CUX2: variants seen among roughly 807,000 people sequenced by gnomAD.
CUX2 encodes the protein cut like homeobox 2, also known as homeobox protein cut-like 2.
Under a neutral mutation model 144.8 loss-of-function variants are expected in CUX2, and 40 were observed. The ratio of observed to expected loss-of-function variants is 0.28; its 90% CI spans 0.21 to 0.36. CUX2 has a LOEUF of 0.36. CUX2 is among the 10% of genes least tolerant of loss of function. The probability of loss-of-function intolerance (pLI) is 1.00; values close to 1 mark genes in which losing one functional copy is unlikely to be tolerated. For synonymous variants in CUX2, 827 were observed against 875.6 expected (o/e 0.94, Z 0.98); for missense variants, 1,615 against 1,994.0 (o/e 0.81, Z 3.62).
At position 111,263,039 on chromosome 12, in the gene CUX2, CAG is replaced by C. The variant is rs1470214785; in HGVS notation, c.223-717_223-716del. Among the ~76,000 whole-genome samples, 1 of 152,206 alleles carries C rather than the reference CAG, an allele frequency of 6.6e-6. No homozygotes were observed. Among genetic ancestry groups the C allele is most frequent in the East Asian group, 1.9e-4 (1 of 5,194 alleles). ...TTTTACAGATGAAGAAACTGAGAATCAGAGAGGGGCAGTGCAAGGTCACACAG... is the reference window on the plus strand; with the variant it reads ...TTTTACAGATGAAGAAACTGAGAATCAGAGGGGCAGTGCAAGGTCACACAG... On this transcript the variant is annotated intron_variant, in intron 3 of 21. Coordinates refer to ENST00000261726, the MANE Select transcript of CUX2 (RefSeq NM_015267.4). This position sits in a 1 kb window ranked among gnomAD's most constrained non-coding sequence, Gnocchi z 4.0.
chr12:111,196,023 C>T (rs1457918763), intron 1 of CUX2, among the ~76,000 whole-genome samples: 1 of 152,162 alleles, frequency 6.6e-6, no homozygotes, highest in African/African-American at 2.4e-5. Context: ...CTGTCTGATC[C>T]CACTCCCAGC....
At chr12:111,210,613 T>C (rs111760087) in intron 1 of CUX2, among the ~76,000 whole-genome samples, 3,890 of 152,028 alleles carry the variant, frequency 0.026, 178 homozygotes, top group African/African-American at 0.089. Flanking sequence ...GGCAACATGG[T>C]GAAACCCTGT....
intron 1 of CUX2, among the ~76,000 whole-genome samples, chr12:111,041,198 C>A (rs565528693): frequency 6.6e-6 from 1 of 152,206 alleles, no homozygotes; most frequent in Non-Finnish European, 1.5e-5. Context: ...TAATAATAGT[C>A]TCCGCCTTCT....
chr12:111,104,216 G>C lies in CUX2; in HGVS notation c.63+69976G>C, dbSNP rs75134196. Among the ~76,000 whole-genome samples, 11 of 152,232 alleles carry C rather than the reference G, an allele frequency of 7.2e-5. No individual in the cohort carries two copies. In the East Asian group the frequency reaches 2.1e-3, roughly 29 times the overall value. ...GGCTGCACCATGTTCATGTTAGGTA[G>C]ACTAGGGTCCTTCATAGGCCAAAGC... On this transcript the variant is annotated intron_variant, in intron 1 of 21. Coordinates refer to ENST00000261726, the MANE Select transcript of CUX2 (RefSeq NM_015267.4).
intron 1 of CUX2, among the ~76,000 whole-genome samples, chr12:111,055,790 G>C (rs1870496028): frequency 6.6e-6 from 1 of 152,244 alleles, no homozygotes; most frequent in South Asian, 2.1e-4. Context: ...CCTCCCTACA[G>C]GTAAGTAGGC....
intron 1 of CUX2, among the ~76,000 whole-genome samples, chr12:111,093,999 A>G (rs1001323719): frequency 6.6e-6 from 1 of 152,238 alleles, no homozygotes; most frequent in Non-Finnish European, 1.5e-5. Context: ...GGAAAAATGC[A>G]TAACTGCACT....
chr12:111,044,623 A>T (rs765263520), intron 1 of CUX2, among the ~76,000 whole-genome samples: 19 of 152,192 alleles, frequency 1.2e-4, no homozygotes, highest in Non-Finnish European at 2.2e-4. Context: ...ACCTGATGTG[A>T]TAATATTTAT....
chr12:111,320,100 G>C lies in CUX2; in HGVS notation c.2091G>C (p.Leu697=). 6.4e-7 allele frequency: 1 copy of C among 1,558,972 alleles called. No individual in the cohort carries two copies. The highest frequency in any genetic ancestry group is 1.4e-5 in the African/African-American group (1 of 73,822). ...CGGAGGACGCCATCAAGAGCATCCT[G>C]GAGCAGGCACGCCGTGAGATGCAGG... ...STSEDAIKSI[L]EQARREMQAQ... The change falls in exon 17 of 22, where the codon CTG becomes CTC. Residue 697 remains leucine, a synonymous_variant. Transcript: ENST00000261726. This position sits in a 1 kb window ranked among gnomAD's most constrained non-coding sequence, Gnocchi z 8.1.
intron 5 of CUX2, among the ~76,000 whole-genome samples, chr12:111,291,949 G>A (rs920333444): frequency 2.0e-5 from 3 of 152,208 alleles, no homozygotes; most frequent in African/African-American, 4.8e-5. Flanking sequence ...AGCCCTTGCC[G>A]AGCTGGACAT....
At chr12:111,065,783 C>G (rs532749813) in intron 1 of CUX2, among the ~76,000 whole-genome samples, 40 of 152,298 alleles carry the variant, frequency 2.6e-4, no homozygotes, top group East Asian at 1.2e-3. Flanking sequence ...CATCAGCATC[C>G]CCAAGAAATT....
rs768039674 is a variant in CUX2, at chr12:111,347,615, C to T, written c.3751C>T (p.His1251Tyr). 6.2e-7 allele frequency: 1 copy of T among 1,613,746 alleles called. No homozygotes were observed. Among genetic ancestry groups the T allele is most frequent in the Non-Finnish European group, 8.5e-7 (1 of 1,179,874 alleles). The change falls in exon 22 of 22, where the codon CAC becomes TAC. Residue 1251 changes from histidine (H) to tyrosine (Y), a missense_variant. Coordinates refer to ENST00000261726, the MANE Select transcript of CUX2 (RefSeq NM_015267.4). ...SGGPGILPPG[H>Y]SHPDPTPQSP... is the part of the protein sequence containing the mutation. ...GGGTCCTGGAATCCTACCGCCAGGCCACTCCCACCCAGACCCCACCCCGCA... is the reference window on the plus strand; with the variant it reads ...GGGTCCTGGAATCCTACCGCCAGGCTACTCCCACCCAGACCCCACCCCGCA...
intron 21 of CUX2, among the ~76,000 whole-genome samples, chr12:111,345,437 T>C (rs932035843): frequency 4.7e-5 from 3 of 64,386 alleles, no homozygotes; most frequent in Admixed American, 2.0e-4. Flanking sequence ...AAAGTGAGAC[T>C]CCATCTCAAA....
intron 1 of CUX2, among the ~76,000 whole-genome samples, chr12:111,170,917 G>A (rs973742408): frequency 9.2e-5 from 14 of 152,130 alleles, no homozygotes; most frequent in Non-Finnish European, 2.1e-4. Flanking sequence ...CTCCTGGGAA[G>A]CGGGAGAGAT....
At chr12:111,337,323 A>G (rs2136439222) in intron 19 of CUX2, among the ~76,000 whole-genome samples, 1 of 150,644 alleles carries the variant, frequency 6.6e-6, no homozygotes, top group Middle Eastern at 3.4e-3. Flanking sequence ...ACTGCACTCC[A>G]GCCTAGGTGA....
chr12:111,181,619 CTG>C (rs1879182031), intron 1 of CUX2, among the ~76,000 whole-genome samples: 1 of 152,230 alleles, frequency 6.6e-6, no homozygotes, highest in African/African-American at 2.4e-5. Flanking sequence ...GCGAGGGCCT[CTG>C]TGCACCAGCT....
chr12:111,036,432 T>G (rs1183985440), intron 1 of CUX2, among the ~76,000 whole-genome samples: 1 of 152,172 alleles, frequency 6.6e-6, no homozygotes, highest in East Asian at 1.9e-4. Flanking sequence ...GGGTCTTTTG[T>G]GGAACGGTTG....
intron 18 of CUX2, among the ~76,000 whole-genome samples, chr12:111,326,599 T>G (rs752255248): frequency 6.6e-6 from 1 of 151,990 alleles, no homozygotes; most frequent in Non-Finnish European, 1.5e-5. Context: ...CTAACTTTTT[T>G]ACTGTAGTAA....
At chr12:111,157,079 G>A (rs748718574) in intron 1 of CUX2, among the ~76,000 whole-genome samples, 1 of 150,462 alleles carries the variant, frequency 6.6e-6, no homozygotes, top group Admixed American at 6.6e-5. Context: ...GCTGATCAAG[G>A]GGGCTACACT....
chr12:111,210,751 T>G (rs1592842794), intron 1 of CUX2, among the ~76,000 whole-genome samples: 1 of 151,684 alleles, frequency 6.6e-6, no homozygotes, highest in Non-Finnish European at 1.5e-5. Context: ...GAGCTGTGAC[T>G]GCACTACTGC....
Sources: allele counts gnomAD v4.1 joint callset (sites outside exome capture counted in the v4.1 genomes callset), GRCh38; gene constraint gnomAD v4.1.1; non-coding constraint Gnocchi (gnomAD v3.1); transcripts MANE v1.5; gene names NCBI Gene and HGNC (gene_info 2026-07-23, HGNC 2026-07-21).